Variants in SYT1 observed in about 807,000 individuals in gnomAD.
SYT1 encodes the protein synaptotagmin 1.
Under a neutral mutation model 44.8 loss-of-function variants are expected in SYT1, and 8 were observed. The observed-to-expected ratio is 0.18, with a 90% CI of 0.10 to 0.32. The LOEUF is 0.32. Among genes scored for constraint, SYT1 ranks in the 10% least tolerant of loss-of-function variants. The probability of loss-of-function intolerance (pLI) is 1.00; values close to 1 mark genes in which losing one functional copy is unlikely to be tolerated. For synonymous variants in SYT1, 154 were observed against 188.8 expected, an observed-to-expected ratio of 0.82 and a Z score of 1.51; for missense variants, 286 against 509.3, an observed-to-expected ratio of 0.56 and a Z score of 4.22.
chr12:79,411,063 A>T (rs1868401340), intron 9 of SYT1, among the ~76,000 whole-genome samples: 2 of 152,222 alleles, frequency 1.3e-5, no homozygotes. Context: ...ACCTCAAAAT[A>T]ACAATGATGT....
intron 3 of SYT1, among the ~76,000 whole-genome samples, chr12:79,121,872 T>C (rs750888369): frequency 6.6e-6 from 1 of 152,242 alleles, no homozygotes; most frequent in Non-Finnish European, 1.5e-5. Context: ...AAATAGTAGA[T>C]GTAATTCAAT....
At chr12:78,985,277 T>A (rs77565902) in intron 2 of SYT1, among the ~76,000 whole-genome samples, 1,544 of 152,076 alleles carry the variant, frequency 0.01, 32 homozygotes, top group African/African-American at 0.035. Context: ...ATACGTAGTA[T>A]AATAAACCTA....
intron 8 of SYT1, among the ~76,000 whole-genome samples, chr12:79,343,706 T>C (rs940359653): frequency 1.3e-5 from 2 of 152,246 alleles, no homozygotes; most frequent in African/African-American, 4.8e-5. Flanking sequence ...TCTGTCTTTC[T>C]ATAAATCATA....
chr12:79,305,448 C>T (rs1880345654), intron 8 of SYT1, among the ~76,000 whole-genome samples: 1 of 151,988 alleles, frequency 6.6e-6, no homozygotes, highest in Non-Finnish European at 1.5e-5. Context: ...TTCCAAAGTT[C>T]ATCTTCATTA....
chr12:78,998,875 A>G (rs1228946546), intron 2 of SYT1, among the ~76,000 whole-genome samples: 3 of 152,206 alleles, frequency 2.0e-5, no homozygotes, highest in Non-Finnish European at 4.4e-5. Context: ...GTTGCTGTAC[A>G]GCTATATGCA....
chr12:79,026,103 A>G (rs1872513607), intron 2 of SYT1, among the ~76,000 whole-genome samples: 1 of 151,720 alleles, frequency 6.6e-6, no homozygotes, highest in Non-Finnish European at 1.5e-5. Context: ...AATTTTATAT[A>G]ATTTTTAAAG....
Position 78,971,824 on chromosome 12 carries a change from T to C in SYT1, c.-216-5975T>C, listed in dbSNP as rs188165172. On this transcript the variant is annotated intron_variant, in intron 1 of 10. Coordinates refer to ENST00000261205, the MANE Select transcript of SYT1 (RefSeq NM_005639.3). Reference sequence around the variant, plus strand: ...CAATAGATATGAATGATACTTCAACTATACTACTAATACGCTGTGAGACTT... The same window carrying C: ...CAATAGATATGAATGATACTTCAACCATACTACTAATACGCTGTGAGACTT... Among the ~76,000 whole-genome samples the C allele has an allele frequency of 2.5e-3, 379 of 152,254 alleles. 6 individuals carry two copies. The highest frequency in any genetic ancestry group is 0.019 in the Admixed American group (290 of 15,294).
At chr12:78,914,260 T>C (rs916101475) in intron 1 of SYT1, among the ~76,000 whole-genome samples, 2 of 151,978 alleles carry the variant, frequency 1.3e-5, no homozygotes, top group African/African-American at 4.8e-5. Context: ...GAAGATACCC[T>C]GGAAACTATT....
chr12:79,102,998 T>C (rs1195209399), intron 3 of SYT1: 1 of 152,164 alleles, frequency 6.6e-6, no homozygotes, highest in Non-Finnish European at 1.5e-5. Flanking sequence ...TAAATATTAT[T>C]ATTGCCATTT....
At chr12:79,448,388 T>C (rs937708472) in intron 10 of SYT1, among the ~76,000 whole-genome samples, 1 of 152,228 alleles carries the variant, frequency 6.6e-6, no homozygotes, top group African/African-American at 2.4e-5. Flanking sequence ...TCTATATTAA[T>C]TCTATATTAA....
At chr12:79,351,942 A>G (rs534962726) in intron 8 of SYT1, among the ~76,000 whole-genome samples, 3 of 152,172 alleles carry the variant, frequency 2.0e-5, no homozygotes, top group Non-Finnish European at 4.4e-5. Context: ...ATGTGGGAGA[A>G]TTAAGACATA....
intron 9 of SYT1, among the ~76,000 whole-genome samples, chr12:79,387,190 A>G (rs909075180): frequency 6.6e-6 from 1 of 152,164 alleles, no homozygotes; most frequent in Non-Finnish European, 1.5e-5. Flanking sequence ...CAAATACTAT[A>G]TCTAACTGAT....
At chr12:79,276,672 CA>C (rs570244503) in intron 4 of SYT1, among the ~76,000 whole-genome samples, 200 of 116,036 alleles carry the variant, frequency 1.7e-3, no homozygotes, top group Non-Finnish European at 2.2e-3. Context: ...AAGACTCCAT[CA>C]AAAAAAAAAA....
intron 2 of SYT1, among the ~76,000 whole-genome samples, chr12:79,042,021 T>A (rs200911530): frequency 6.6e-6 from 1 of 151,002 alleles, no homozygotes; most frequent in African/African-American, 2.4e-5. Flanking sequence ...GCTGGATTCG[T>A]TTTGCCAGTA....
At chr12:79,175,933 G>A (rs966912928) in intron 3 of SYT1, among the ~76,000 whole-genome samples, 3 of 152,024 alleles carry the variant, frequency 2.0e-5, no homozygotes, top group African/African-American at 4.8e-5. Context: ...AAAATAATTG[G>A]AGCCATTTCT....
At chr12:79,170,665 T>C (rs1284260083) in intron 3 of SYT1, among the ~76,000 whole-genome samples, 1 of 152,118 alleles carries the variant, frequency 6.6e-6, no homozygotes, top group Non-Finnish European at 1.5e-5. Context: ...TTTACTCTGT[T>C]GATAGTTTCT....
intron 3 of SYT1, among the ~76,000 whole-genome samples, chr12:79,066,051 T>A (rs981388840): frequency 6.6e-6 from 1 of 152,014 alleles, no homozygotes; most frequent in Non-Finnish European, 1.5e-5. Context: ...CCCACATGCA[T>A]GAACATACAC....
intron 1 of SYT1, among the ~76,000 whole-genome samples, chr12:78,916,134 T>C (rs1157988975): frequency 6.6e-6 from 1 of 152,042 alleles, no homozygotes; most frequent in Non-Finnish European, 1.5e-5. Flanking sequence ...GTTTCAGTTA[T>C]CAGTTTTGTA....
rs1565723270 is a variant in SYT1, at chr12:78,931,219, GAAAGAAA to G, written c.-216-46579_-216-46573del. Reference sequence around the variant, plus strand: ...AGAAAGAAAGAAAGAAAGAAAGAAAGAAAGAAAGAAAGAAAGAAAGAAGGAAGGAAGG... The same window carrying G: ...AGAAAGAAAGAAAGAAAGAAAGAAAGGAAAGAAAGAAAGAAGGAAGGAAGG... On this transcript the variant is annotated intron_variant, in intron 1 of 10. Transcript: ENST00000261205. 4.2e-4 allele frequency among the ~76,000 whole-genome samples: 24 copies of G among 57,478 alleles called. 1 individual carries two copies. The highest frequency in any genetic ancestry group is 2.3e-3 in the African/African-American group (24 of 10,442). 37.7% of individuals were successfully genotyped at this position (57,478 alleles called of 152,430 possible).
Sources: allele counts gnomAD v4.1 joint callset (sites outside exome capture counted in the v4.1 genomes callset), GRCh38; gene constraint gnomAD v4.1.1; transcripts MANE v1.5; gene names NCBI Gene and HGNC (gene_info 2026-07-23, HGNC 2026-07-21).